The following UNC80 variants were observed in gnomAD, a reference collection of about 807,000 sequenced individuals.
UNC80 encodes unc-80 subunit of NALCN channel complex.
Under a neutral mutation model 384.6 loss-of-function variants are expected in UNC80, and 164 were observed. The ratio of observed to expected loss-of-function variants is 0.43; its 90% CI spans 0.38 to 0.49. The LOEUF (loss-of-function observed/expected upper bound fraction) is 0.49, where lower values mean the gene tolerates loss of function less well. Ranked by LOEUF, UNC80 falls within the 20% of genes least tolerant of loss-of-function variation. The pLI is 0.00. For missense variants in UNC80, 3,330 were observed against 4,143.0 expected (o/e 0.80, Z 5.39); for synonymous variants, 1,486 against 1,527.8 (o/e 0.97, Z 0.64).
At chr2:209,866,486 ACC>A (rs67328888) in intron 22 of UNC80, among the ~76,000 whole-genome samples, 1,702 of 111,596 alleles carry the variant, frequency 0.015, 38 homozygotes, top group South Asian at 0.057. Context: ...TACAAAATGC[ACC>A]CCCACACACA....
At chr2:209,798,193 T>C (rs2078291020) in intron 7 of UNC80, among the ~76,000 whole-genome samples, 1 of 152,266 alleles carries the variant, frequency 6.6e-6, no homozygotes, top group South Asian at 2.1e-4. Context: ...TTGTGGCTTC[T>C]GTTGCAATTG....
At chr2:209,982,585 C>T (rs1038667885) in intron 60 of UNC80, 1 of 300,124 alleles carries the variant, frequency 3.3e-6, no homozygotes, top group Non-Finnish European at 6.1e-6. Flanking sequence ...TTTCTGTTGT[C>T]AAATGGCATT....
chr2:209,873,065 G>C (rs1046750812), intron 23 of UNC80, 95 bp downstream of exon 23: 6 of 1,212,584 alleles, frequency 4.9e-6, no homozygotes, highest in Non-Finnish European at 5.9e-6. Context: ...ACAATTTATT[G>C]AGTGTTTGTT....
At chr2:209,944,384 C>T (rs752506441) in intron 45 of UNC80, among the ~76,000 whole-genome samples, 5 of 152,118 alleles carry the variant, frequency 3.3e-5, no homozygotes, top group Admixed American at 6.6e-5. Flanking sequence ...TGAATTTCTA[C>T]GACACTCAAC....
At chr2:209,949,881 G>A (rs994514069) in intron 47 of UNC80, among the ~76,000 whole-genome samples, 3 of 151,726 alleles carry the variant, frequency 2.0e-5, no homozygotes, top group African/African-American at 7.3e-5. Flanking sequence ...AGGTTGGAGT[G>A]CAGTGTCACA....
In UNC80 at chr2:209,978,435, C is replaced by A. The variant is rs760029894; in HGVS notation, c.8939-94C>A. The A allele has an allele frequency of 3.6e-6, 4 of 1,124,428 alleles. No individual in the cohort carries two copies. In the South Asian group the frequency reaches 6.5e-5, roughly 18 times the overall value. 69.7% of individuals were successfully genotyped at this position (1,124,428 alleles called of 1,614,324 possible). On this transcript the variant is annotated intron_variant, in intron 58 of 64. Transcript: ENST00000673920. ...TGTCTGGGACACATTATTTAACTAA[C>A]CTTTCCTAAAAAATACAAGTGGTCA...
intron 26 of UNC80, among the ~76,000 whole-genome samples, chr2:209,888,521 G>A (rs973905781): frequency 1.3e-5 from 2 of 152,040 alleles, no homozygotes; most frequent in Non-Finnish European, 2.9e-5. Flanking sequence ...TTACCAATAA[G>A]GAAAGAAAAA....
chr2:209,993,309 C>G lies in UNC80; in HGVS notation c.9397-6C>G. 1 of 1,551,182 alleles carries G rather than the reference C, an allele frequency of 6.4e-7. No individual in the cohort carries two copies. Among genetic ancestry groups the G allele is most frequent in the Non-Finnish European group, 8.7e-7 (1 of 1,146,518 alleles). On this transcript the variant is annotated splice_polypyrimidine_tract_variant and splice_region_variant and intron_variant, in intron 62 of 64. Coordinates refer to ENST00000673920, the MANE Select transcript of UNC80 (RefSeq NM_001371986.1). The stretch of plus-strand genomic sequence containing the variant: ...TTGCAAGTTTTATTCTGCCTATTCT[C>G]TTTAGCTAAGACGTCCTCTACTATC...
chr2:209,900,707 T>G (rs1416964341), intron 28 of UNC80, among the ~76,000 whole-genome samples: 1 of 152,232 alleles, frequency 6.6e-6, no homozygotes, highest in African/African-American at 2.4e-5. Flanking sequence ...GCACTGAAAG[T>G]TAGGCCTCTT....
intron 48 of UNC80, 67 bp downstream of exon 48, chr2:209,954,337 GA>G (rs2124994749): frequency 3.0e-6 from 4 of 1,333,514 alleles, no homozygotes; most frequent in East Asian, 2.6e-5. Context: ...AAAAAAATAA[GA>G]AAAAAATGTG....
intron 25 of UNC80, among the ~76,000 whole-genome samples, chr2:209,887,026 TTTA>T: frequency 6.6e-6 from 1 of 152,140 alleles, no homozygotes; most frequent in Non-Finnish European, 1.5e-5. Context: ...CCTTCGTCTT[TTTA>T]TTATTATTAT....
At position 209,771,850 on chromosome 2, in the gene UNC80, C is replaced by G; in HGVS notation, c.-223C>G. On this transcript the variant is annotated 5_prime_UTR_variant, in exon 1 of 65. Coordinates refer to ENST00000673920, the MANE Select transcript of UNC80 (RefSeq NM_001371986.1). ...GACCGCTGCTCCGAGCGCCCCCCTC[C>G]TCGCTCCGCGGCTCCTCCAGCCCTC... is the stretch of plus-strand genomic sequence containing the variant. The G allele has an allele frequency of 1.8e-6, 1 of 544,278 alleles. No individual in the cohort carries two copies. The highest frequency in any genetic ancestry group is 3.4e-6 in the Non-Finnish European group (1 of 296,298). The allele number at this position is 544,278 out of a possible 1,614,324, so 33.7% of individuals were successfully genotyped here.
chr2:209,862,429 G>C (rs908757428), intron 22 of UNC80, among the ~76,000 whole-genome samples: 1 of 152,256 alleles, frequency 6.6e-6, no homozygotes, highest in South Asian at 2.1e-4. Flanking sequence ...GGGTGTTAAA[G>C]TCTCCCACTA....
At chr2:209,826,785 T>A (rs2080555177) in intron 14 of UNC80, among the ~76,000 whole-genome samples, 1 of 152,148 alleles carries the variant, frequency 6.6e-6, no homozygotes, top group South Asian at 2.1e-4. Flanking sequence ...TATGTTTGAA[T>A]TGAAATCATA....
intron 29 of UNC80, among the ~76,000 whole-genome samples, chr2:209,910,649 C>CTTTTTTTTTTT: frequency 9.6e-6 from 1 of 104,362 alleles, no homozygotes; most frequent in Non-Finnish European, 1.9e-5. Context: ...AAATGCTCAT[C>CTTTTTTTTTTT]TTTTTTTTTT....
At chr2:209,823,549 G>A (rs1469407485) in intron 13 of UNC80, among the ~76,000 whole-genome samples, 1 of 151,930 alleles carries the variant, frequency 6.6e-6, no homozygotes, top group South Asian at 2.1e-4. Flanking sequence ...CCATTCAGAG[G>A]GTTCATCTTC....
At chr2:209,797,538 A>G (rs554886595) in intron 7 of UNC80, among the ~76,000 whole-genome samples, 24 of 152,304 alleles carry the variant, frequency 1.6e-4, no homozygotes, top group South Asian at 4.1e-4. Context: ...ATTCCATGGT[A>G]TATATGTACC....
intron 13 of UNC80, 128 bp from the exon 14 acceptor site, chr2:209,825,773 ATTCTGT>A: frequency 1.3e-6 from 1 of 780,062 alleles, no homozygotes. Flanking sequence ...GCCCGTTACA[ATTCTGT>A]TTTCCAAATT....
chr2:209,885,909 C>A (rs1469896438), intron 25 of UNC80, among the ~76,000 whole-genome samples: 1 of 151,942 alleles, frequency 6.6e-6, no homozygotes, highest in East Asian at 1.9e-4. Context: ...GGACTACAGG[C>A]ACCTGCCATC....
Sources: gnomAD v4.1 joint callset for allele counts (sites outside exome capture counted in the v4.1 genomes callset) on GRCh38, gnomAD v4.1.1 for gene constraint, MANE v1.5 for transcripts, NCBI Gene and HGNC (gene_info 2026-07-23, HGNC 2026-07-21) for gene names.